The following SMAP2 variants were observed in gnomAD, a reference collection of about 807,000 sequenced individuals.
SMAP2 encodes stromal membrane-associated protein 2.
In SMAP2, 25 loss-of-function variants were observed where a neutral mutation model predicts 56.4. The ratio of observed to expected loss-of-function variants is 0.44; its 90% confidence interval spans 0.32 to 0.62. The LOEUF (loss-of-function observed/expected upper bound fraction) is 0.62, where lower values mean the gene tolerates loss of function less well. SMAP2 is among the 20% of genes least tolerant of loss of function. The pLI is 0.04. For missense variants in SMAP2, 388 were observed against 545.6 expected (o/e 0.71, Z 2.88); for synonymous variants, 157 against 181.7 (o/e 0.86, Z 1.09).
chr1:40,363,929 G>A (rs562504516), intron 2 of SMAP2, among the ~76,000 whole-genome samples: 10 of 152,276 alleles, frequency 6.6e-5, no homozygotes, highest in African/African-American at 1.7e-4. Context: ...GGGGAATCAC[G>A]AAGCTCACTA....
chr1:40,356,473 T>C (rs1462096290), intron 1 of SMAP2, among the ~76,000 whole-genome samples: 1 of 150,986 alleles, frequency 6.6e-6, no homozygotes, highest in African/African-American at 2.4e-5. Context: ...TGCAGTGGCG[T>C]GATCTCAGCT....
chr1:40,391,970 T>G (rs1402614739), intron 1 of SMAP2, among the ~76,000 whole-genome samples: 3 of 152,118 alleles, frequency 2.0e-5, no homozygotes, highest in African/African-American at 7.2e-5. Context: ...GAAATTGGTT[T>G]AATTATAGTA....
intron 1 of SMAP2, among the ~76,000 whole-genome samples, chr1:40,354,780 T>TTTC (rs1472945675): frequency 1.8e-5 from 2 of 111,928 alleles, no homozygotes; most frequent in African/African-American, 7.1e-5. Flanking sequence ...TTTTTTTTTT[T>TTTC]TTTTTTTTTT....
intron 5 of SMAP2, among the ~76,000 whole-genome samples, chr1:40,413,723 T>G (rs1328229231): frequency 6.6e-6 from 1 of 152,188 alleles, no homozygotes; most frequent in African/African-American, 2.4e-5. Flanking sequence ...ACTGGCAGAG[T>G]GAATTAGGTA....
intron 2 of SMAP2, among the ~76,000 whole-genome samples, chr1:40,362,884 C>T (rs78976676): frequency 0.01 from 1,596 of 152,212 alleles, 30 homozygotes; most frequent in African/African-American, 0.037. Context: ...CAGCAGGCCT[C>T]CTCCAGCTTG....
rs1644660672 is a variant in SMAP2 at position 40,386,806 on chromosome 1, T to C, written c.103+12583T>C. ...GAAACCTATCCACGATAAAAATCAT[T>C]GGAAAGTATGAAAAATATAATGATG... is the stretch of plus-strand genomic sequence containing the variant. On this transcript the variant is annotated intron_variant, in intron 1 of 9. Coordinates refer to ENST00000372718, the MANE Select transcript of SMAP2 (RefSeq NM_022733.3). The surrounding 1 kb of genome is among the most constrained non-coding windows in gnomAD (Gnocchi z 4.1). Among the ~76,000 whole-genome samples the C allele has an allele frequency of 2.6e-5, 4 of 151,926 alleles. No individual in the cohort carries two copies. The highest frequency in any genetic ancestry group is 2.6e-4 in the Admixed American group (4 of 15,230).
Position 40,413,112 on chromosome 1 carries a change from G to T in SMAP2, c.489+10G>T, listed in dbSNP as rs1249190036. Reference sequence around the variant, plus strand: ...TGAGAAGGTGAAAATGGTAAGTTGGGAAGTATTTGCACTGTATGGACAGCC... The same window carrying T: ...TGAGAAGGTGAAAATGGTAAGTTGGTAAGTATTTGCACTGTATGGACAGCC... On this transcript the variant is annotated intron_variant, in intron 5 of 9. Transcript: ENST00000372718. 1 of 1,608,920 alleles carries T rather than the reference G, an allele frequency of 6.2e-7. No individual in the cohort carries two copies. Among genetic ancestry groups the T allele is most frequent in the Non-Finnish European group, 8.5e-7 (1 of 1,175,380 alleles).
intron 1 of SMAP2, among the ~76,000 whole-genome samples, chr1:40,377,755 T>C (rs2124214304): frequency 1.3e-5 from 2 of 152,314 alleles, no homozygotes; most frequent in South Asian, 4.1e-4. Context: ...ATTTTATCAG[T>C]GTGTCAGGAA....
chr1:40,345,152 C>T (rs1644380307), intron 1 of SMAP2, among the ~76,000 whole-genome samples: 1 of 151,902 alleles, frequency 6.6e-6, no homozygotes, highest in South Asian at 2.1e-4. Context: ...ACCTGTAATC[C>T]CAGTGCTTTG....
rs1644475310 is a variant in SMAP2 at position 40,364,872 on chromosome 1, G to A, written c.55+2436G>A. On this transcript the variant is annotated intron_variant, in intron 2 of 6. Coordinates refer to the SMAP2 transcript ENST00000435168. ...AGTATAATGTCTTTTTAGCCTCAGA[G>A]TCTCTGATCAAGCAGATCCCATGAA... The A allele has an allele frequency of 1.4e-5, 3 of 209,198 alleles. No individual in the cohort carries two copies. The East Asian group carries it at 3.2e-4, about 22-fold the overall frequency. 13.0% of individuals were successfully genotyped at this position (209,198 alleles called of 1,614,324 possible). A position where few individuals can be genotyped will look rare whatever the true frequency, so the allele number is the denominator to read the frequency against.
intron 9 of SMAP2, 131 bp downstream of exon 9, chr1:40,417,227 G>A (rs1281522784): frequency 4.0e-6 from 2 of 499,656 alleles, no homozygotes; most frequent in South Asian, 4.0e-5. Flanking sequence ...TGTTAGGTTT[G>A]CTTTTTTTTT....
chr1:40,393,435 G>A (rs1479242170), intron 1 of SMAP2: 1 of 1,535,168 alleles, frequency 6.5e-7, no homozygotes, highest in South Asian at 1.2e-5. Context: ...AGTGGGCAGA[G>A]CAAGATTTGC....
chr1:40,408,614 A>T lies in SMAP2; in HGVS notation c.238-39A>T, dbSNP rs1644907181. On this transcript the variant is annotated intron_variant, in intron 2 of 9. Transcript: ENST00000372718. This position sits in a 1 kb window ranked among gnomAD's most constrained non-coding sequence, Gnocchi z 4.3. Reference sequence around the variant, plus strand: ...TGAGAAGTTTTTCAGTTCTTTCTTGATCTGACGTTCCATGTTTCTACATTC... The same window carrying T: ...TGAGAAGTTTTTCAGTTCTTTCTTGTTCTGACGTTCCATGTTTCTACATTC... 6.4e-7 allele frequency: 1 copy of T among 1,565,428 alleles called. No homozygotes were observed. Among genetic ancestry groups the T allele is most frequent in the African/African-American group, 1.4e-5 (1 of 74,034 alleles).
At chr1:40,345,328 G>T (rs1256526968) in intron 1 of SMAP2, among the ~76,000 whole-genome samples, 1 of 151,932 alleles carries the variant, frequency 6.6e-6, no homozygotes, top group African/African-American at 2.4e-5. Context: ...AACAGTTTGA[G>T]GCTGCAGTGA....
At chr1:40,407,677 A>G (rs1034157902) in intron 2 of SMAP2, among the ~76,000 whole-genome samples, 1 of 152,176 alleles carries the variant, frequency 6.6e-6, no homozygotes, top group South Asian at 2.1e-4. Flanking sequence ...TTAGACACAT[A>G]CAAATGTGGA....
At chr1:40,397,661 A>G (rs2124300485) in intron 1 of SMAP2, among the ~76,000 whole-genome samples, 1 of 152,286 alleles carries the variant, frequency 6.6e-6, no homozygotes, top group East Asian at 1.9e-4. Flanking sequence ...GTTTGTGATA[A>G]ATGATGAAGG....
At chr1:40,418,627 T>G (rs1645012803) in intron 9 of SMAP2, among the ~76,000 whole-genome samples, 1 of 152,160 alleles carries the variant, frequency 6.6e-6, no homozygotes, top group African/African-American at 2.4e-5. Context: ...TTCAAAATGT[T>G]TAGGGGTCCA....
intron 2 of SMAP2, among the ~76,000 whole-genome samples, chr1:40,363,037 T>C (rs1397334366): frequency 6.6e-6 from 1 of 151,940 alleles, no homozygotes. Context: ...TCATAGAAAA[T>C]TAAGCACTCC....
At chr1:40,357,486 A>AG (rs1644441462) in intron 1 of SMAP2, among the ~76,000 whole-genome samples, 1 of 151,666 alleles carries the variant, frequency 6.6e-6, no homozygotes, top group East Asian at 1.9e-4. Flanking sequence ...AAAAAAAAAA[A>AG]GAAGGAAATC....
Sources: gnomAD v4.1 joint callset for allele counts (sites outside exome capture counted in the v4.1 genomes callset) on GRCh38, gnomAD v4.1.1 for gene constraint, Gnocchi (gnomAD v3.1) non-coding constraint, MANE v1.5 for transcripts, NCBI Gene and HGNC (gene_info 2026-07-23, HGNC 2026-07-21) for gene names.